SLC36A4: variants seen among roughly 807,000 people sequenced by gnomAD.
SLC36A4 encodes neutral amino acid uniporter 4.
In SLC36A4, 49 loss-of-function variants were observed where a neutral mutation model predicts 50.5. The observed-to-expected ratio is 0.97, with a 90% CI of 0.77 to 1.23. SLC36A4 has a LOEUF of 1.23. SLC36A4 is among the 50% of genes most tolerant of loss of function. SLC36A4 has a pLI of 0.00. For missense variants in SLC36A4, 611 were observed against 608.4 expected, an observed-to-expected ratio of 1.00 and a Z score of -0.05; for synonymous variants, 207 against 206.5, an observed-to-expected ratio of 1.00 and a Z score of -0.02.
At chr11:93,174,151 G>A (rs1475554624) in intron 6 of SLC36A4, among the ~76,000 whole-genome samples, 1 of 149,988 alleles carries the variant, frequency 6.7e-6, no homozygotes, top group African/African-American at 2.4e-5. Context: ...TCTCCTTGAA[G>A]AGGTCCTTCA....
chr11:93,177,272 T>C (rs1157986957), intron 6 of SLC36A4, among the ~76,000 whole-genome samples: 1 of 152,220 alleles, frequency 6.6e-6, no homozygotes, highest in Non-Finnish European at 1.5e-5. Context: ...TGTCACGTAG[T>C]TCCCATGCCA....
chr11:93,173,037 G>T (rs1861255559), intron 6 of SLC36A4, among the ~76,000 whole-genome samples: 1 of 137,342 alleles, frequency 7.3e-6, no homozygotes, highest in Non-Finnish European at 1.6e-5. Context: ...TTCCACAATG[G>T]TTGAACTAGT....
At chr11:93,178,766 T>C (rs564507646) in intron 6 of SLC36A4, among the ~76,000 whole-genome samples, 43 of 152,288 alleles carry the variant, frequency 2.8e-4, no homozygotes, top group African/African-American at 1.0e-3. Flanking sequence ...GTTTAAAGCA[T>C]TCCCTCTGAG....
rs944029160 is a variant in SLC36A4 at position 93,147,034 on chromosome 11, G to A, written c.*1503C>T. 2.6e-5 allele frequency: 4 copies of A among 152,160 alleles called. No homozygotes were observed. The highest frequency in any genetic ancestry group is 9.7e-5 in the African/African-American group (4 of 41,450). The allele number at this position is 152,160 out of a possible 1,614,324, so 9.4% of individuals were successfully genotyped here. A position where few individuals can be genotyped will look rare whatever the true frequency, so the allele number is the denominator to read the frequency against. On this transcript the variant is annotated 3_prime_UTR_variant, in exon 11 of 11. Transcript: ENST00000326402. ...CCTCTGTAACTCAGGCTGGTGTGCA[G>A]TGGCACAGTCATAGCTTACCACAGC...
chr11:93,171,103 C>G (rs1417665645), intron 6 of SLC36A4: 1 of 151,004 alleles, frequency 6.6e-6, no homozygotes, highest in Non-Finnish European at 1.5e-5. Flanking sequence ...ATCTCAACTA[C>G]TTTCTCAAGC....
chr11:93,168,828 A>T, intron 6 of SLC36A4, among the ~76,000 whole-genome samples: 1 of 152,062 alleles, frequency 6.6e-6, no homozygotes, highest in Non-Finnish European at 1.5e-5. Flanking sequence ...AAACTTATTC[A>T]GCCATTCCTA....
rs1860395742 is a variant in SLC36A4 at position 93,157,001 on chromosome 11, AT to A, written c.1038-2725del. 2.6e-5 allele frequency among the ~76,000 whole-genome samples: 4 copies of A among 152,250 alleles called. No homozygotes were observed. The South Asian group carries it at 8.3e-4, about 32-fold the overall frequency. The stretch of plus-strand genomic sequence containing the variant: ...GGTTTCACATTTAAGCCTTTACTCC[AT>A]CTTGAGTTAATTTTTTGTATATGGT... On this transcript the variant is annotated intron_variant, in intron 9 of 10. Coordinates refer to ENST00000326402, the MANE Select transcript of SLC36A4 (RefSeq NM_152313.4).
intron 2 of SLC36A4, among the ~76,000 whole-genome samples, 175 bp from the exon 3 acceptor site, chr11:93,184,695 T>C (rs1861899901): frequency 6.6e-6 from 1 of 152,152 alleles, no homozygotes; most frequent in Non-Finnish European, 1.5e-5. Flanking sequence ...TCTTTGCTAA[T>C]TAAAAGTGGA....
At chr11:93,180,929 G>T (rs753184064) in intron 5 of SLC36A4, 48 bp from the exon 6 acceptor site, 1 of 1,203,714 alleles carries the variant, frequency 8.3e-7, no homozygotes, top group Non-Finnish European at 1.2e-6. Flanking sequence ...CTACTGAAAT[G>T]TCAATATATT....
Position 93,180,831 on chromosome 11 carries a change from A to G in SLC36A4, c.506T>C (p.Val169Ala), listed in dbSNP as rs754422356. 7 of 1,612,902 alleles carry G rather than the reference A, an allele frequency of 4.3e-6. No homozygotes were observed. In the East Asian group the frequency reaches 1.3e-4, roughly 31 times the overall value. Residue 169 changes from valine to alanine, a missense_variant, in exon 6 of 11, where the codon GTT becomes GCT. Val to Ala is a moderately conservative substitution (Grantham distance 64). Coordinates refer to ENST00000326402, the MANE Select transcript of SLC36A4 (RefSeq NM_152313.4). The part of the protein sequence containing the change: ...LVITQLGFCS[V>A]YIVFLAENVK... ...ATTTTCAGCTAAGAAGACAATATAA[A>G]CACTACAGAATCCCAGCTGTGTTAT...
intron 9 of SLC36A4, among the ~76,000 whole-genome samples, chr11:93,155,709 T>C (rs1205944371): frequency 1.3e-5 from 2 of 152,146 alleles, no homozygotes; most frequent in East Asian, 3.9e-4. Flanking sequence ...GGTTATTTTT[T>C]CTGATCCTCT....
rs1180893208 is a variant in SLC36A4 at position 93,181,031 on chromosome 11, TCTAA to T, written c.456-154_456-151del. 1.2e-4 allele frequency: 74 copies of T among 611,976 alleles called. 2 individuals are homozygous for T. In the South Asian group the frequency reaches 1.5e-3, roughly 13 times the overall value. 37.9% of individuals were successfully genotyped at this position (611,976 alleles called of 1,614,324 possible). A position where few individuals can be genotyped will look rare whatever the true frequency, so the allele number is the denominator to read the frequency against. On this transcript the variant is annotated intron_variant, in intron 5 of 10. Transcript: ENST00000326402. ...GGAACTCAGAGCAGTTCATGCCAAA[TCTAA>T]CTTCCTGAAAATCTCCAGAAAGGCC...
intron 7 of SLC36A4, 118 bp from the exon 8 acceptor site, chr11:93,166,134 T>C: frequency 8.0e-7 from 1 of 1,255,320 alleles, no homozygotes; most frequent in Non-Finnish European, 1.0e-6. Context: ...GTTATAAAAT[T>C]GAATAATTGT....
chr11:93,193,524 G>T (rs1862299527), intron 1 of SLC36A4, among the ~76,000 whole-genome samples: 1 of 152,018 alleles, frequency 6.6e-6, no homozygotes, highest in Non-Finnish European at 1.5e-5. Flanking sequence ...TATGAGTGGA[G>T]AAATTATATA....
chr11:93,194,828 T>C (rs968151700), intron 1 of SLC36A4, among the ~76,000 whole-genome samples: 4 of 152,182 alleles, frequency 2.6e-5, no homozygotes, highest in Admixed American at 1.3e-4. Context: ...CTTTCACTAA[T>C]GCTAGACATA....
chr11:93,160,834 T>C, intron 9 of SLC36A4: 9 of 776,016 alleles, frequency 1.2e-5, no homozygotes, highest in Non-Finnish European at 1.4e-5. Context: ...CTAGTCAAAA[T>C]ATTATTGTTA....
chr11:93,182,853 A>G lies in SLC36A4; in HGVS notation c.312T>C (p.Val104=). 1 of 1,613,140 alleles carries G rather than the reference A, an allele frequency of 6.2e-7. No individual in the cohort carries two copies. Among genetic ancestry groups the G allele is most frequent in the Non-Finnish European group, 8.5e-7 (1 of 1,179,524 alleles). Residue 104 remains valine (V), a synonymous_variant, in exon 4 of 11, where the codon GTT becomes GTC. Transcript: ENST00000326402. ...AACGTACCAATATGTGCATACAGTG[A>G]ACAGAAATAATTCCTATAAACACAA... ...ISLVFIGIIS[V]HCMHILVRCS...
chr11:93,152,473 G>T (rs1333331718), intron 10 of SLC36A4: 1 of 152,104 alleles, frequency 6.6e-6, no homozygotes, highest in African/African-American at 2.4e-5. Context: ...AAATATTACA[G>T]TTTTTGTTCC....
At chr11:93,163,780 A>G (rs1399467217) in intron 8 of SLC36A4, among the ~76,000 whole-genome samples, 1 of 151,508 alleles carries the variant, frequency 6.6e-6, no homozygotes, top group Non-Finnish European at 1.5e-5. Flanking sequence ...ATTCTCATGT[A>G]TGTATGTATG....
Sources: allele counts gnomAD v4.1 joint callset (sites outside exome capture counted in the v4.1 genomes callset), GRCh38; gene constraint gnomAD v4.1.1; transcripts MANE v1.5; gene names NCBI Gene and HGNC (gene_info 2026-07-23, HGNC 2026-07-21).